TRIM44: variants seen among roughly 807,000 people sequenced by gnomAD.
TRIM44 encodes the protein tripartite motif-containing protein 44.
Under a neutral mutation model 37.4 loss-of-function variants are expected in TRIM44, and 13 were observed. That is an observed-to-expected ratio of 0.35 (90% CI 0.23 to 0.55). The LOEUF (loss-of-function observed/expected upper bound fraction) is 0.55. TRIM44 is among the 20% of genes least tolerant of loss of function. TRIM44 has a pLI of 0.89. For synonymous variants in TRIM44, 175 were observed against 157.2 expected (o/e 1.11, Z -0.85); for missense variants, 426 against 437.2 (o/e 0.97, Z 0.23).
chr11:35,787,169 A>G (rs1853141417), intron 4 of TRIM44, among the ~76,000 whole-genome samples: 1 of 152,202 alleles, frequency 6.6e-6, no homozygotes, highest in Admixed American at 6.5e-5. Context: ...CTGCTCCAGC[A>G]AAGCGAGATG....
At chr11:35,790,199 A>C (rs984546588) in intron 4 of TRIM44, among the ~76,000 whole-genome samples, 3 of 152,138 alleles carry the variant, frequency 2.0e-5, no homozygotes, top group Admixed American at 2.0e-4. Context: ...TTCTGCACTC[A>C]AGTGGTTTAT....
intron 2 of TRIM44, among the ~76,000 whole-genome samples, chr11:35,699,403 C>A (rs1319859675): frequency 6.6e-6 from 1 of 152,088 alleles, no homozygotes; most frequent in African/African-American, 2.4e-5. Context: ...AATTCAACAA[C>A]CCTTCATGCT....
At chr11:35,800,001 C>A (rs958528253) in intron 4 of TRIM44, among the ~76,000 whole-genome samples, 1 of 152,198 alleles carries the variant, frequency 6.6e-6, no homozygotes, top group African/African-American at 2.4e-5. Flanking sequence ...TGGGTCTGCA[C>A]TAGGTAATGA....
intron 2 of TRIM44, among the ~76,000 whole-genome samples, chr11:35,703,488 G>A (rs963882916): frequency 5.3e-5 from 8 of 152,220 alleles, no homozygotes; most frequent in African/African-American, 1.7e-4. Context: ...TGACCCCCGA[G>A]CAGCCTAACT....
intron 1 of TRIM44, among the ~76,000 whole-genome samples, chr11:35,668,236 A>G (rs1486392790): frequency 6.6e-6 from 1 of 152,182 alleles, no homozygotes; most frequent in African/African-American, 2.4e-5. Context: ...TCTGGGGTAC[A>G]TGTGCAGGAT....
intron 2 of TRIM44, among the ~76,000 whole-genome samples, chr11:35,720,488 GAC>G (rs1163547883): frequency 6.6e-6 from 1 of 150,522 alleles, no homozygotes; most frequent in Non-Finnish European, 1.5e-5. Context: ...CATCTGCAAA[GAC>G]AGTTTTATTT....
At chr11:35,719,081 A>G (rs1029824725) in intron 2 of TRIM44, among the ~76,000 whole-genome samples, 10 of 152,106 alleles carry the variant, frequency 6.6e-5, no homozygotes, top group African/African-American at 2.2e-4. Context: ...TAAGTTTTCA[A>G]CTCATTTGGG....
rs1303698632 is a variant in TRIM44 at position 35,726,044 on chromosome 11, G to C, written c.868G>C (p.Ala290Pro). ...LVDIQEAMATAHVTEILADIQ... is the reference protein window; with the variant it reads ...LVDIQEAMATPHVTEILADIQ... ...GGACATCCAAGAGGCAATGGCCACA[G>C]CTCATGTGACTGAGATACTGGCAGA... The change falls in exon 3 of 5, where the codon GCT becomes CCT. Residue 290 changes from alanine to proline, a missense_variant. Ala to Pro is a conservative substitution (Grantham distance 27). Around this residue, in one of 2 missense-constraint regions of TRIM44, gnomAD observed 95 missense variants for 134.2 expected, o/e 0.71. Transcript: ENST00000299413. 42 of 1,614,138 alleles carry C rather than the reference G, an allele frequency of 2.6e-5. No individual in the cohort carries two copies. Among genetic ancestry groups the C allele is most frequent in the Non-Finnish European group, 3.6e-5 (42 of 1,180,016 alleles).
intron 1 of TRIM44, among the ~76,000 whole-genome samples, chr11:35,678,820 A>C (rs1322481368): frequency 6.6e-6 from 1 of 152,016 alleles, no homozygotes; most frequent in African/African-American, 2.4e-5. Context: ...GGCTGGTCTC[A>C]AACTCCTGGC....
chr11:35,702,939 C>T (rs890427670), intron 2 of TRIM44, among the ~76,000 whole-genome samples: 6 of 152,180 alleles, frequency 3.9e-5, no homozygotes, highest in Admixed American at 2.0e-4. Flanking sequence ...ATGCACGAGC[C>T]GAAGCAGGGC....
intron 4 of TRIM44, among the ~76,000 whole-genome samples, chr11:35,741,969 C>T (rs1852402972): frequency 6.6e-6 from 1 of 152,038 alleles, no homozygotes; most frequent in African/African-American, 2.4e-5. Flanking sequence ...CTTGCTTTGT[C>T]ACCTAGGCTA....
At chr11:35,759,058 T>C (rs1350990582) in intron 4 of TRIM44, among the ~76,000 whole-genome samples, 1 of 152,194 alleles carries the variant, frequency 6.6e-6, no homozygotes, top group Non-Finnish European at 1.5e-5. Flanking sequence ...CCTTGCTAGA[T>C]TGGGGAAGTT....
At chr11:35,766,863 G>A (rs116993328) in intron 4 of TRIM44, among the ~76,000 whole-genome samples, 4,126 of 152,280 alleles carry the variant, frequency 0.027, 94 homozygotes, top group Non-Finnish European at 0.044. Flanking sequence ...AATGTGTGTG[G>A]AATGACTTTG....
At chr11:35,710,808 T>G (rs1192961107) in intron 2 of TRIM44, among the ~76,000 whole-genome samples, 2 of 152,182 alleles carry the variant, frequency 1.3e-5, no homozygotes, top group African/African-American at 4.8e-5. Context: ...TTGCAGTTTC[T>G]CCAAATAATC....
At chr11:35,667,112 A>G (rs2135481327) in intron 1 of TRIM44, among the ~76,000 whole-genome samples, 1 of 152,308 alleles carries the variant, frequency 6.6e-6, no homozygotes, top group African/African-American at 2.4e-5. Flanking sequence ...ATGGTTTTTG[A>G]AAATAGATAT....
chr11:35,739,321 T>C (rs946358785), intron 4 of TRIM44, among the ~76,000 whole-genome samples: 1 of 152,210 alleles, frequency 6.6e-6, no homozygotes, highest in African/African-American at 2.4e-5. Flanking sequence ...ATCACATGGC[T>C]AGTAAGTGGC....
chr11:35,802,449 A>C (rs1853383134), intron 4 of TRIM44, among the ~76,000 whole-genome samples: 2 of 152,160 alleles, frequency 1.3e-5, no homozygotes, highest in Admixed American at 1.3e-4. Context: ...GTAAAGTGGG[A>C]GTGGCTGAAA....
Position 35,807,235 on chromosome 11 carries a change from A to G in TRIM44, c.*850A>G, listed in dbSNP as rs1313285043. 1.3e-5 allele frequency: 2 copies of G among 152,170 alleles called. No individual in the cohort carries two copies. The highest frequency in any genetic ancestry group is 2.9e-5 in the Non-Finnish European group (2 of 68,028). 9.4% of individuals were successfully genotyped at this position (152,170 alleles called of 1,614,324 possible). ...GTCACAACGTGAAGGGCTGGAATGTATATTACCAAATGGGAATTTCCATTG... is the reference window on the plus strand; with the variant it reads ...GTCACAACGTGAAGGGCTGGAATGTGTATTACCAAATGGGAATTTCCATTG... On this transcript the variant is annotated 3_prime_UTR_variant, in exon 5 of 5. Transcript: ENST00000299413.
At chr11:35,791,845 C>G (rs993419697) in intron 4 of TRIM44, among the ~76,000 whole-genome samples, 2 of 152,148 alleles carry the variant, frequency 1.3e-5, no homozygotes, top group South Asian at 2.1e-4. Flanking sequence ...GTAGAGATAT[C>G]TGATACACCA....
Sources: gnomAD v4.1 joint callset for allele counts (sites outside exome capture counted in the v4.1 genomes callset) on GRCh38, gnomAD v4.1.1 for gene constraint, gnomAD v4.1.1 regional missense constraint, MANE v1.5 for transcripts, NCBI Gene and HGNC (gene_info 2026-07-23, HGNC 2026-07-21) for gene names.